The following MAST4 variants were observed in gnomAD, a reference collection of about 807,000 sequenced individuals.
MAST4 encodes the protein microtubule associated serine/threonine kinase family member 4, also known as microtubule-associated serine/threonine-protein kinase 4.
In MAST4, 89 loss-of-function variants were observed where a neutral mutation model predicts 162.7. The observed-to-expected ratio is 0.55, with a 90% CI of 0.46 to 0.65. MAST4 has a LOEUF of 0.65. MAST4 is among the 30% of genes least tolerant of loss of function. The probability of loss-of-function intolerance (pLI) is 0.00; values close to 1 mark genes in which losing one functional copy is unlikely to be tolerated. For missense variants in MAST4, 3,153 were observed against 3,374.0 expected, an observed-to-expected ratio of 0.93 and a Z score of 1.62; for synonymous variants, 1,479 against 1,361.1, an observed-to-expected ratio of 1.09 and a Z score of -1.91.
rs1750074172 is a variant in MAST4 at position 66,705,513 on chromosome 5, A to T, written c.364-54196A>T. Among the ~76,000 whole-genome samples the T allele has an allele frequency of 1.3e-5, 2 of 152,336 alleles. 1 individual carries two copies. Among genetic ancestry groups the T allele is most frequent in the South Asian group, 4.1e-4 (2 of 4,822 alleles). On this transcript the variant is annotated intron_variant, in intron 1 of 28. Transcript: ENST00000403625. ...TTATATTGGACAGCAGAGTCAAATC[A>T]TGTTTCACAGGAACGGTTTCAGGTT...
At chr5:66,781,518 C>T (rs1240700064) in intron 2 of MAST4, among the ~76,000 whole-genome samples, 1 of 152,180 alleles carries the variant, frequency 6.6e-6, no homozygotes, top group Admixed American at 6.5e-5. Context: ...TGCAGTGCTA[C>T]CCCTGTTCTT....
At position 66,765,474 on chromosome 5, in the gene MAST4, T is replaced by C. The variant is rs114116960; in HGVS notation, c.517+5612T>C. 2.7e-3 allele frequency among the ~76,000 whole-genome samples: 411 copies of C among 152,304 alleles called. 1 individual carries two copies. Among genetic ancestry groups the C allele is most frequent in the African/African-American group, 9.6e-3 (401 of 41,564 alleles). On this transcript the variant is annotated intron_variant, in intron 2 of 28. Coordinates refer to ENST00000403625, the MANE Select transcript of MAST4 (RefSeq NM_001164664.2). ...TTGCTGTACTGTATTTTAACATTTGTATCACTTTTATCGTATCAATATTTA... is the reference window on the plus strand; with the variant it reads ...TTGCTGTACTGTATTTTAACATTTGCATCACTTTTATCGTATCAATATTTA...
intron 3 of MAST4, among the ~76,000 whole-genome samples, chr5:66,870,347 T>G (rs27730): frequency 0.3 from 45,530 of 152,070 alleles, 7,095 homozygotes; most frequent in East Asian, 0.53. Context: ...CATCATTTTG[T>G]TCATATCTAA....
At chr5:66,606,945 A>G (rs756939823) in intron 1 of MAST4, among the ~76,000 whole-genome samples, 26 of 152,052 alleles carry the variant, frequency 1.7e-4, no homozygotes, top group Non-Finnish European at 3.5e-4. Context: ...AAATGAGTAT[A>G]TGAATATACT....
intron 4 of MAST4, among the ~76,000 whole-genome samples, chr5:66,948,023 C>T (rs1744235993): frequency 6.6e-6 from 1 of 152,084 alleles, no homozygotes; most frequent in South Asian, 2.1e-4. Flanking sequence ...ATAAAGTGGA[C>T]TGTCTCTCTT....
intron 4 of MAST4, among the ~76,000 whole-genome samples, chr5:66,924,542 C>A (rs753686101): frequency 6.6e-6 from 1 of 151,768 alleles, no homozygotes; most frequent in African/African-American, 2.4e-5. Flanking sequence ...TATAGGCGTC[C>A]GCCACCGCGT....
chr5:66,938,714 G>C (rs1183124758), intron 4 of MAST4, among the ~76,000 whole-genome samples: 1 of 152,126 alleles, frequency 6.6e-6, no homozygotes, highest in African/African-American at 2.4e-5. Context: ...CCCTCTTGTA[G>C]AAAATAACAT....
chr5:67,124,984 G>A (rs894948401), intron 14 of MAST4, among the ~76,000 whole-genome samples: 23 of 152,122 alleles, frequency 1.5e-4, no homozygotes, highest in African/African-American at 5.6e-4. Flanking sequence ...AGTTATTTAT[G>A]TAAGAAATGG....
In MAST4 at chr5:66,596,757, G is replaced by C. The variant is rs1438345932; in HGVS notation, c.102G>C (p.Pro34=). ...PASALVAASS[P]GASSAESSSG... is the part of the protein sequence containing the mutation. The stretch of plus-strand genomic sequence containing the variant: ...CTGCGCTGGTCGCCGCGTCCTCTCC[G>C]GGTGCTTCCTCGGCCGAGTCCTCCT... The change falls in exon 1 of 29, where the codon CCG becomes CCC. Residue 34 remains proline (P), a synonymous_variant. Coordinates refer to ENST00000403625, the MANE Select transcript of MAST4 (RefSeq NM_001164664.2). 3 of 1,401,186 alleles carry C rather than the reference G, an allele frequency of 2.1e-6. No homozygotes were observed. The highest frequency in any genetic ancestry group is 2.8e-6 in the Non-Finnish European group (3 of 1,075,786). 86.8% of individuals were successfully genotyped at this position (1,401,186 alleles called of 1,614,324 possible).
rs1769386158 is a variant in MAST4 at position 67,134,540 on chromosome 5, A to G, written c.2244A>G (p.Glu748=). 1 of 1,613,460 alleles carries G rather than the reference A, an allele frequency of 6.2e-7. No homozygotes were observed. Among genetic ancestry groups the G allele is most frequent in the Non-Finnish European group, 8.5e-7 (1 of 1,179,556 alleles). The change falls in exon 18 of 29, where the codon GAA becomes GAG. Residue 748 remains glutamate, a synonymous_variant. Transcript: ENST00000403625. ...FLDKQVCGTP[E]YIAPEVILRQ... ...TCTTTTAGGTCTGTGGCACACCTGA[A>G]TACATTGCACCAGAAGTGATTCTGA... is the stretch of plus-strand genomic sequence containing the variant.
chr5:66,972,494 G>A (rs1377075709), intron 4 of MAST4, among the ~76,000 whole-genome samples: 1 of 152,110 alleles, frequency 6.6e-6, no homozygotes, highest in Non-Finnish European at 1.5e-5. Flanking sequence ...TGAGTCAAAA[G>A]CCACCTGTAA....
At chr5:66,665,889 A>G (rs1185511045) in intron 1 of MAST4, among the ~76,000 whole-genome samples, 2 of 152,218 alleles carry the variant, frequency 1.3e-5, no homozygotes, top group Admixed American at 1.3e-4. Context: ...GCACATAGAA[A>G]ATAGTCCATA....
chr5:66,997,099 A>T (rs1478369832), intron 4 of MAST4, among the ~76,000 whole-genome samples: 1 of 152,180 alleles, frequency 6.6e-6, no homozygotes, highest in South Asian at 2.1e-4. Flanking sequence ...CTGTGTGCAT[A>T]CTTGATTGTA....
intron 1 of MAST4, among the ~76,000 whole-genome samples, chr5:66,733,199 C>A (rs900713643): frequency 6.6e-6 from 1 of 152,082 alleles, no homozygotes; most frequent in African/African-American, 2.4e-5. Flanking sequence ...CACTAGACAA[C>A]CCCTTCAGTT....
chr5:66,870,170 T>C (rs568420436), intron 3 of MAST4, among the ~76,000 whole-genome samples: 1 of 152,282 alleles, frequency 6.6e-6, no homozygotes, highest in African/African-American at 2.4e-5. Flanking sequence ...TAGGTTTAAA[T>C]TACAGACTTA....
At chr5:66,932,357 G>T (rs772885826) in intron 4 of MAST4, among the ~76,000 whole-genome samples, 1 of 152,134 alleles carries the variant, frequency 6.6e-6, no homozygotes, top group Non-Finnish European at 1.5e-5. Flanking sequence ...TTCCATAGAA[G>T]ACTTCAGTTT....
rs548826561 is a variant in MAST4 at position 67,042,728 on chromosome 5, G to A, written c.675-11676G>A. 6.4e-4 allele frequency among the ~76,000 whole-genome samples: 98 copies of A among 152,290 alleles called. 1 individual carries two copies. Among genetic ancestry groups the A allele is most frequent in the African/African-American group, 2.2e-3 (91 of 41,558 alleles). ...TCTTCTACTTCTGCCCATTATCACA[G>A]CTTTGACATTCATGTCATTAACAGA... On this transcript the variant is annotated intron_variant, in intron 4 of 28. Coordinates refer to ENST00000403625, the MANE Select transcript of MAST4 (RefSeq NM_001164664.2).
intron 4 of MAST4, among the ~76,000 whole-genome samples, chr5:67,047,915 A>G (rs982294578): frequency 6.6e-6 from 1 of 152,162 alleles, no homozygotes; most frequent in Non-Finnish European, 1.5e-5. Flanking sequence ...ATTCAGAAAA[A>G]GTGGTGGAGA....
chr5:66,986,903 C>T (rs898167354), intron 4 of MAST4, among the ~76,000 whole-genome samples: 4 of 152,194 alleles, frequency 2.6e-5, no homozygotes, highest in South Asian at 2.1e-4. Flanking sequence ...TAAGCCACCA[C>T]GTCCAGCTAA....
Sources: gnomAD v4.1 joint callset for allele counts (sites outside exome capture counted in the v4.1 genomes callset) on GRCh38, gnomAD v4.1.1 for gene constraint, MANE v1.5 for transcripts, NCBI Gene and HGNC (gene_info 2026-07-23, HGNC 2026-07-21) for gene names.